Variants in LILRA2 observed in about 807,000 individuals in gnomAD.
The protein encoded by LILRA2 is leukocyte immunoglobulin like receptor A2.
LILRA2 carries 45 observed loss-of-function variants against 47.9 expected under a neutral mutation model. That is an observed-to-expected ratio of 0.94 (90% CI 0.74 to 1.20). The LOEUF is 1.20. Among genes scored for constraint, LILRA2 ranks in the 50% most tolerant of loss-of-function variants. The pLI is 0.00. For synonymous variants in LILRA2, 279 were observed against 249.2 expected (o/e 1.12, Z -1.13); for missense variants, 651 against 598.2 (o/e 1.09, Z -0.92).
chr19:54,576,066 C>T lies in LILRA2; in HGVS notation c.1212C>T (p.Tyr404=), dbSNP rs374429122. ...ACAGCTCACTCAGCTCCAACCCCTA[C>T]CTGCTGTCTCTCCCCAGTGACCCCC... is the stretch of plus-strand genomic sequence containing the variant. ...RCYSSLSSNP[Y]LLSLPSDPLE... is the part of the protein sequence containing the mutation. The change falls in exon 6 of 8, where the codon TAC becomes TAT. Residue 404 remains tyrosine (Y), a synonymous_variant. Transcript: ENST00000391738. The T allele has an allele frequency of 2.3e-5, 37 of 1,614,054 alleles. No homozygotes were observed. The South Asian group carries it at 3.4e-4, about 15-fold the overall frequency.
At position 54,574,966 on chromosome 19, in the gene LILRA2, T is replaced by C. The variant is rs1483598357; in HGVS notation, c.588T>C (p.Tyr196=). Residue 196 remains tyrosine (Y), a synonymous_variant, in exon 4 of 8, where the codon TAT becomes TAC. Transcript: ENST00000391738. ...GTCGCAGGTGGTCGTACAGGTGCTA[T>C]GCTTATGACTCGAACTCTCCCTATG... The part of the protein sequence containing the change: ...SPSRRWSYRC[Y]AYDSNSPYVW... The C allele has an allele frequency of 1.2e-6, 2 of 1,614,134 alleles. No homozygotes were observed. The highest frequency in any genetic ancestry group is 2.2e-5 in the East Asian group (1 of 44,882).
chr19:54,584,988 G>C (rs946923539), intron 6 of LILRA2, among the ~76,000 whole-genome samples: 1 of 152,168 alleles, frequency 6.6e-6, no homozygotes, highest in African/African-American at 2.4e-5. Flanking sequence ...TGACATTGAT[G>C]CTATTCCTTT....
chr19:54,574,101 C>A lies in LILRA2; in HGVS notation c.60C>A (p.His20Gln), dbSNP rs146810027. ...GGCTGAGTCTGGGCCCCAGGACCCA[C>A]GTGCAGGCAGGTGAGTCTGTTCCCA... The part of the protein sequence containing the change: ...CLGLSLGPRT[H>Q]VQAGHLPKPT... The change falls in exon 2 of 8, where the codon CAC becomes CAA. Residue 20 changes from histidine to glutamine, a missense_variant. Transcript: ENST00000391738. The A allele has an allele frequency of 6.2e-7, 1 of 1,614,220 alleles. No individual in the cohort carries two copies. Among genetic ancestry groups the A allele is most frequent in the Non-Finnish European group, 8.5e-7 (1 of 1,180,028 alleles).
intron 6 of LILRA2, chr19:54,577,749 G>A (rs1288339762): frequency 1.7e-6 from 2 of 1,193,908 alleles, no homozygotes; most frequent in Non-Finnish European, 2.1e-6. Flanking sequence ...ACGTCTTTCT[G>A]TTTAACTCAT....
intron 6 of LILRA2, among the ~76,000 whole-genome samples, chr19:54,585,552 C>T (rs2062774172): frequency 6.6e-6 from 1 of 152,228 alleles, no homozygotes; most frequent in Non-Finnish European, 1.5e-5. Context: ...TCTCAGACTG[C>T]TGCGCTAGCA....
intron 2 of LILRA2, 62 bp from the exon 3 acceptor site, chr19:54,574,239 C>T: frequency 6.2e-7 from 1 of 1,613,838 alleles, no homozygotes; most frequent in Non-Finnish European, 8.5e-7. Context: ...GGTCCTGCAG[C>T]TGAGAGCTGA....
chr19:54,573,951 G>C, intron 1 of LILRA2, 39 bp downstream of exon 1: 2 of 1,613,292 alleles, frequency 1.2e-6, no homozygotes, highest in Non-Finnish European at 1.7e-6. Context: ...TAACCTAGGA[G>C]GGACCTCACC....
At chr19:54,577,231 C>T (rs916851625) in intron 6 of LILRA2, among the ~76,000 whole-genome samples, 2 of 150,968 alleles carry the variant, frequency 1.3e-5, no homozygotes, top group African/African-American at 2.5e-5. Flanking sequence ...CTCCAATTTT[C>T]TACCAAAATC....
chr19:54,582,774 C>T (rs1048728287), intron 6 of LILRA2, among the ~76,000 whole-genome samples: 3 of 152,138 alleles, frequency 2.0e-5, no homozygotes, highest in Non-Finnish European at 4.4e-5. Context: ...GTCTCTATCT[C>T]CTTCAGTTCT....
rs544485221 is a variant in LILRA2, at chr19:54,578,692, C to T, written c.1255+2583C>T. On this transcript the variant is annotated intron_variant, in intron 6 of 7. Transcript: ENST00000391738. The stretch of plus-strand genomic sequence containing the variant: ...TTCTAGTTGTAGATTCTTGAGGAAT[C>T]GTCACACTGTCTTCCACAATGGTTG... Among the ~76,000 whole-genome samples, 25 of 152,304 alleles carry T rather than the reference C, an allele frequency of 1.6e-4. No homozygotes were observed. The East Asian group carries it at 3.7e-3, about 22-fold the overall frequency.
At position 54,587,044 on chromosome 19, in the gene LILRA2, G is replaced by A; in HGVS notation, c.1290G>A (p.Lys430=). 6.2e-7 allele frequency: 1 copy of A among 1,613,770 alleles called. No homozygotes were observed. Among genetic ancestry groups the A allele is most frequent in the Non-Finnish European group, 8.5e-7 (1 of 1,179,798 alleles). Residue 430 remains lysine (K), a synonymous_variant, in exon 7 of 8, where the codon AAG becomes AAA. Transcript: ENST00000391738. ...AGACCCTCAGCCCATCACAAAACAA[G>A]ACAGACTCCACGACTAGTGAGTGAG... ...AAETLSPSQN[K]TDSTTTSLGQ...
chr19:54,587,028 G>A lies in LILRA2; in HGVS notation c.1274G>A (p.Ser425Asn), dbSNP rs1166246393. Residue 425 changes from serine (S) to asparagine (N), a missense_variant, in exon 7 of 8, where the codon AGC becomes AAC. By Grantham distance (46) the Ser-to-Asn change is conservative (BLOSUM62 1). Coordinates refer to ENST00000391738, the MANE Select transcript of LILRA2 (RefSeq NM_001130917.3). ...TTCTCAGAAGCAGCTGAGACCCTCA[G>A]CCCATCACAAAACAAGACAGACTCC... ...LVVSEAAETL[S>N]PSQNKTDSTT... 4 of 1,613,042 alleles carry A rather than the reference G, an allele frequency of 2.5e-6. No homozygotes were observed. The highest frequency in any genetic ancestry group is 3.4e-6 in the Non-Finnish European group (4 of 1,179,476).
At chr19:54,581,450 TA>T (rs1202173252) in intron 6 of LILRA2, among the ~76,000 whole-genome samples, 2 of 114,520 alleles carry the variant, frequency 1.7e-5, no homozygotes, top group Admixed American at 1.9e-4. Flanking sequence ...CACCATTTAT[TA>T]AATAGGGAAT....
upstream of LILRA2, chr19:54,573,152 T>A (rs2062194142): frequency 3.7e-6 from 1 of 270,296 alleles, no homozygotes; most frequent in Middle Eastern, 1.4e-3. Context: ...CCTGGCTAAT[T>A]TTTTGCTTTT....
In LILRA2 at chr19:54,574,437, G is replaced by A; in HGVS notation, c.207G>A (p.Trp69Ter). The change falls in exon 3 of 8, where the codon TGG becomes TGA. Residue 69 changes from tryptophan to a stop codon, truncating the protein, a stop_gained. Coordinates refer to ENST00000391738, the MANE Select transcript of LILRA2 (RefSeq NM_001130917.3). LOFTEE classifies it high-confidence loss of function. The stretch of plus-strand genomic sequence containing the variant: ...ATAGGGAAAACAAATCAGCATCCTG[G>A]GTTAGACGGATACAAGAGCCTGGGA... Reference protein sequence around the residue: ...HLYRENKSASWVRRIQEPGKN... With the variant: ...HLYRENKSAS 2.5e-6 allele frequency: 4 copies of A among 1,614,096 alleles called. No individual in the cohort carries two copies. The highest frequency in any genetic ancestry group is 3.4e-6 in the Non-Finnish European group (4 of 1,180,002).
intron 7 of LILRA2, 70 bp from the exon 8 acceptor site, chr19:54,587,131 C>A: frequency 6.2e-7 from 1 of 1,610,362 alleles, no homozygotes; most frequent in Non-Finnish European, 8.5e-7. Flanking sequence ...GAGGTGGGTG[C>A]CCTGGGTGGA....
chr19:54,573,620 A>G (rs1600185275), upstream of LILRA2: 1 of 817,200 alleles, frequency 1.2e-6, no homozygotes, highest in Non-Finnish European at 1.9e-6. Context: ...AACCAGACAG[A>G]CAGTGGCTGG....
At chr19:54,573,612 C>A, upstream of LILRA2, 1 of 594,946 alleles carries the variant, frequency 1.7e-6, no homozygotes, top group Non-Finnish European at 2.9e-6. Flanking sequence ...TGAGGATAAA[C>A]CAGACAGACA....
rs764723529 is a variant in LILRA2 at position 54,576,088 on chromosome 19, C to T, written c.1234C>T (p.Pro412Ser). The T allele has an allele frequency of 7.6e-5, 122 of 1,614,096 alleles. No homozygotes were observed. The highest frequency in any genetic ancestry group is 9.9e-5 in the Non-Finnish European group (117 of 1,180,028). The change falls in exon 6 of 8, where the codon CCC becomes TCC. Residue 412 changes from proline (P) to serine (S), a missense_variant. Physicochemically the swap from Pro to Ser is moderately conservative, Grantham distance 74. Coordinates refer to ENST00000391738, the MANE Select transcript of LILRA2 (RefSeq NM_001130917.3). ...CTACCTGCTGTCTCTCCCCAGTGAC[C>T]CCCTGGAGCTCGTGGTCTCAGGTGA... is the stretch of plus-strand genomic sequence containing the variant. ...NPYLLSLPSD[P>S]LELVVSEAAE...
Sources: gnomAD v4.1 joint callset for allele counts (sites outside exome capture counted in the v4.1 genomes callset) on GRCh38, gnomAD v4.1.1 for gene constraint, MANE v1.5 for transcripts, NCBI Gene and HGNC (gene_info 2026-07-23, HGNC 2026-07-21) for gene names.